The following GRID2 variants were observed in gnomAD, a reference collection of about 807,000 sequenced individuals.
GRID2 encodes the protein glutamate receptor ionotropic, delta-2.
GRID2 carries 33 observed loss-of-function variants against 114.8 expected under a neutral mutation model. The observed-to-expected ratio is 0.29, with a 90% CI of 0.22 to 0.38. The LOEUF (loss-of-function observed/expected upper bound fraction) is 0.38, where lower values mean the gene tolerates loss of function less well. GRID2 is among the 10% of genes least tolerant of loss of function. GRID2 has a pLI of 1.00. For synonymous variants in GRID2, 505 were observed against 449.9 expected (o/e 1.12, Z -1.55); for missense variants, 1,184 against 1,257.7 (o/e 0.94, Z 0.89).
At chr4:93,003,614 A>G (rs571704422) in intron 2 of GRID2, among the ~76,000 whole-genome samples, 26 of 152,034 alleles carry the variant, frequency 1.7e-4, no homozygotes, top group Admixed American at 1.2e-3. Context: ...ATCCTAGTTT[A>G]TGGAAAAATT....
At chr4:93,167,716 GTTA>G (rs913483617) in intron 4 of GRID2, among the ~76,000 whole-genome samples, 6 of 151,896 alleles carry the variant, frequency 4.0e-5, no homozygotes, top group Admixed American at 3.9e-4. Flanking sequence ...TTATATATGA[GTTA>G]TTTGAAAATT....
intron 3 of GRID2, among the ~76,000 whole-genome samples, chr4:93,102,010 A>C (rs917283921): frequency 6.6e-6 from 1 of 152,172 alleles, no homozygotes; most frequent in Non-Finnish European, 1.5e-5. Flanking sequence ...ACAGGAACTG[A>C]GCCTTCATCT....
chr4:92,938,812 G>C (rs553189592), intron 2 of GRID2, among the ~76,000 whole-genome samples: 2 of 144,158 alleles, frequency 1.4e-5, no homozygotes, highest in African/African-American at 2.5e-5. Context: ...AGACCATGCA[G>C]TGTTTGGTTT....
intron 8 of GRID2, among the ~76,000 whole-genome samples, chr4:93,262,626 C>A (rs935303642): frequency 1.3e-4 from 20 of 151,864 alleles, no homozygotes; most frequent in African/African-American, 4.6e-4. Flanking sequence ...AAAGAAAAAT[C>A]ATTCGTAATC....
intron 14 of GRID2, among the ~76,000 whole-genome samples, chr4:93,711,235 T>A (rs1428798167): frequency 6.6e-6 from 1 of 152,198 alleles, no homozygotes; most frequent in Non-Finnish European, 1.5e-5. Flanking sequence ...TGCCAAGTAC[T>A]GCCTGGCTAC....
At chr4:93,672,185 T>C (rs973691584) in intron 14 of GRID2, among the ~76,000 whole-genome samples, 8 of 152,132 alleles carry the variant, frequency 5.3e-5, no homozygotes, top group African/African-American at 1.7e-4. Flanking sequence ...ATTCCCCAGG[T>C]GTCCAGACCC....
rs185451785 is a variant in GRID2, at chr4:92,741,024, A to G, written c.244+150738A>G. ...CTCCCAAAATACTGGGATTATAGGC[A>G]TGAGTCACCATGCCCAGCCTATAAT... On this transcript the variant is annotated intron_variant, in intron 2 of 15. Coordinates refer to ENST00000282020, the MANE Select transcript of GRID2 (RefSeq NM_001510.4). Among the ~76,000 whole-genome samples, 472 of 152,258 alleles carry G rather than the reference A, an allele frequency of 3.1e-3. 16 individuals carry two copies. In the East Asian group the frequency reaches 0.047, roughly 15 times the overall value.
chr4:92,676,678 T>C (rs1015648998), intron 2 of GRID2, among the ~76,000 whole-genome samples: 3 of 152,164 alleles, frequency 2.0e-5, no homozygotes, highest in Non-Finnish European at 4.4e-5. Context: ...ATTTTCATTA[T>C]ACATTTATGT....
chr4:92,784,166 T>G (rs2149360296), intron 2 of GRID2, among the ~76,000 whole-genome samples: 1 of 152,186 alleles, frequency 6.6e-6, no homozygotes. Context: ...AGAGCATGTT[T>G]CAAAGATACT....
chr4:92,857,126 G>A (rs962356978), intron 2 of GRID2, among the ~76,000 whole-genome samples: 3 of 152,130 alleles, frequency 2.0e-5, no homozygotes, highest in Non-Finnish European at 4.4e-5. Flanking sequence ...GCAATGGATT[G>A]TTCCATTCCC....
chr4:93,738,648 G>A (rs1731125298), intron 14 of GRID2, among the ~76,000 whole-genome samples: 1 of 152,074 alleles, frequency 6.6e-6, no homozygotes, highest in Non-Finnish European at 1.5e-5. Flanking sequence ...TCCATTTATG[G>A]TGACAAGGAA....
intron 1 of GRID2, among the ~76,000 whole-genome samples, chr4:93,781,899 C>T (rs1034568071): frequency 1.1e-4 from 16 of 152,058 alleles, no homozygotes; most frequent in African/African-American, 3.9e-4. Context: ...TTTCTTTCAC[C>T]CTCTGGATAA....
chr4:92,889,187 A>G (rs1255279422), intron 2 of GRID2, among the ~76,000 whole-genome samples: 1 of 152,178 alleles, frequency 6.6e-6, no homozygotes, highest in Non-Finnish European at 1.5e-5. Context: ...CCGTTTAAGT[A>G]TTAAATTTTA....
chr4:93,486,973 G>A (rs1174935492), intron 11 of GRID2, among the ~76,000 whole-genome samples: 3 of 151,716 alleles, frequency 2.0e-5, no homozygotes, highest in Non-Finnish European at 4.4e-5. Context: ...ATTTTGTGGT[G>A]CGTAGGTTTT....
At chr4:93,491,117 A>G (rs1380303579) in intron 12 of GRID2, among the ~76,000 whole-genome samples, 2 of 151,982 alleles carry the variant, frequency 1.3e-5, no homozygotes, top group East Asian at 3.9e-4. Flanking sequence ...AGTCATACTT[A>G]AAAGGAAATC....
intron 2 of GRID2, among the ~76,000 whole-genome samples, chr4:92,787,299 G>A (rs1739363644): frequency 6.6e-6 from 1 of 151,846 alleles, no homozygotes; most frequent in Non-Finnish European, 1.5e-5. Flanking sequence ...CATTTTACAA[G>A]ACTATAAATG....
chr4:92,641,261 ATTAAAAGGAACAT>A (rs1219926932), intron 2 of GRID2, among the ~76,000 whole-genome samples: 1 of 150,494 alleles, frequency 6.6e-6, no homozygotes, highest in African/African-American at 2.4e-5. Context: ...TTCATATTAT[ATTAAAAGGAACAT>A]TGTTCCTTTT....
intron 3 of GRID2, among the ~76,000 whole-genome samples, chr4:93,089,328 A>G (rs981016337): frequency 1.3e-5 from 2 of 152,326 alleles, no homozygotes; most frequent in South Asian, 2.1e-4. Flanking sequence ...GGAAAATACT[A>G]TATGTCAATT....
intron 1 of GRID2, among the ~76,000 whole-genome samples, chr4:92,419,467 A>G (rs1731783977): frequency 6.6e-6 from 1 of 152,164 alleles, no homozygotes; most frequent in Admixed American, 6.6e-5. Flanking sequence ...ATGACGGATA[A>G]AATACGTCAA....
Sources: gnomAD v4.1 joint callset for allele counts (sites outside exome capture counted in the v4.1 genomes callset) on GRCh38, gnomAD v4.1.1 for gene constraint, MANE v1.5 for transcripts, NCBI Gene and HGNC (gene_info 2026-07-23, HGNC 2026-07-21) for gene names.